The following THRB variants were observed in gnomAD, a reference collection of about 807,000 sequenced individuals.
THRB encodes thyroid hormone receptor beta, also known as nuclear receptor subfamily 1 group A member 2.
A neutral mutation model predicts 47.8 loss-of-function variants in THRB; 12 were observed. The observed-to-expected ratio is 0.25, with a 90% CI of 0.16 to 0.41. The LOEUF is 0.41. Ranked by LOEUF, THRB falls within the 10% of genes least tolerant of loss-of-function variation. The probability of loss-of-function intolerance (pLI) is 1.00; values close to 1 mark genes in which losing one functional copy is unlikely to be tolerated. For synonymous variants in THRB, 218 were observed against 212.2 expected, an observed-to-expected ratio of 1.03 and a Z score of -0.24; for missense variants, 348 against 589.2, an observed-to-expected ratio of 0.59 and a Z score of 4.24.
intron 1 of THRB, chr3:24,430,322 CA>C (rs1417736007): frequency 6.6e-6 from 1 of 152,112 alleles, no homozygotes; most frequent in Non-Finnish European, 1.5e-5. Context: ...AAAGCAGCTT[CA>C]TATGTGAAAG....
intron 4 of THRB, among the ~76,000 whole-genome samples, chr3:24,207,330 G>T (rs1055221711): frequency 6.6e-6 from 1 of 152,124 alleles, no homozygotes; most frequent in African/African-American, 2.4e-5. Context: ...GGGATGCAAG[G>T]CTGGTTCAAC....
At chr3:24,457,133 C>G (rs532661864) in intron 1 of THRB, among the ~76,000 whole-genome samples, 1 of 152,070 alleles carries the variant, frequency 6.6e-6, no homozygotes, top group Non-Finnish European at 1.5e-5. Flanking sequence ...AGATTTCACA[C>G]AAAAATGAAG....
At chr3:24,348,246 G>A (rs747831156) in intron 1 of THRB, among the ~76,000 whole-genome samples, 20 of 152,106 alleles carry the variant, frequency 1.3e-4, no homozygotes, top group Non-Finnish European at 2.5e-4. Flanking sequence ...TTAAACGGAT[G>A]CATTGATCTA....
intron 1 of THRB, among the ~76,000 whole-genome samples, chr3:24,373,767 G>T (rs953810838): frequency 6.6e-6 from 1 of 152,072 alleles, no homozygotes; most frequent in Non-Finnish European, 1.5e-5. Context: ...TTAATAGTCA[G>T]ATTGAAAACC....
intron 1 of THRB, among the ~76,000 whole-genome samples, chr3:24,474,750 C>T (rs113594574): frequency 2.1e-3 from 321 of 152,136 alleles, no homozygotes; most frequent in African/African-American, 7.2e-3. Flanking sequence ...ATGTGCTATA[C>T]GTAGGTAATA....
intron 1 of THRB, among the ~76,000 whole-genome samples, chr3:24,349,895 T>A (rs1184245655): frequency 6.6e-6 from 1 of 151,974 alleles, no homozygotes; most frequent in African/African-American, 2.4e-5. Flanking sequence ...GAAATTAGAT[T>A]ATATTAAAAT....
At chr3:24,318,126 C>G (rs143650428) in intron 2 of THRB, among the ~76,000 whole-genome samples, 1 of 152,140 alleles carries the variant, frequency 6.6e-6, no homozygotes, top group Non-Finnish European at 1.5e-5. Context: ...TGAGTAGAAG[C>G]GAAAATTCAG....
intron 4 of THRB, among the ~76,000 whole-genome samples, chr3:24,226,899 T>C (rs2047708466): frequency 6.6e-6 from 1 of 152,232 alleles, no homozygotes; most frequent in Non-Finnish European, 1.5e-5. Flanking sequence ...TGACAGACAC[T>C]GTATGGGCTG....
chr3:24,481,241 T>TTTTGTTTTTTTTTTG (rs1696346693), intron 1 of THRB, among the ~76,000 whole-genome samples: 1 of 146,230 alleles, frequency 6.8e-6, no homozygotes, highest in African/African-American at 2.6e-5. Flanking sequence ...TTTTTTTTTT[T>TTTTGTTTTTTTTTTG]TTTTTTTTTT....
In THRB at chr3:24,133,469, A is replaced by C. The variant is rs1468130955; in HGVS notation, c.739-7T>G. 2 of 1,613,654 alleles carry C rather than the reference A, an allele frequency of 1.2e-6. No individual in the cohort carries two copies. The highest frequency in any genetic ancestry group is 2.7e-5 in the African/African-American group (2 of 74,896). On this transcript the variant is annotated splice_region_variant and splice_polypyrimidine_tract_variant and intron_variant, in intron 8 of 10. Transcript: ENST00000646209. Reference sequence around the variant, plus strand: ...CTTGTCCAATGTCTTCTGGCTAAGGAGGAGAAAAAAGAAAGATTTAAATGA... The same window carrying C: ...CTTGTCCAATGTCTTCTGGCTAAGGCGGAGAAAAAAGAAAGATTTAAATGA...
chr3:24,230,673 C>T (rs1256474720), intron 3 of THRB, among the ~76,000 whole-genome samples: 1 of 152,140 alleles, frequency 6.6e-6, no homozygotes, highest in Admixed American at 6.6e-5. Context: ...TGCCATTAAC[C>T]ACCCCCTCTG....
intron 1 of THRB, among the ~76,000 whole-genome samples, chr3:24,418,749 C>A (rs2068972129): frequency 6.6e-6 from 1 of 151,890 alleles, no homozygotes; most frequent in Admixed American, 6.6e-5. Context: ...GATCCACATG[C>A]TAAGAAATCA....
At chr3:24,371,519 A>G (rs1261415290) in intron 1 of THRB, among the ~76,000 whole-genome samples, 1 of 152,112 alleles carries the variant, frequency 6.6e-6, no homozygotes, top group Non-Finnish European at 1.5e-5. Context: ...ATTTCATCTA[A>G]AAGCCTCTGT....
intron 3 of THRB, among the ~76,000 whole-genome samples, chr3:24,268,779 C>T (rs992577010): frequency 6.6e-6 from 1 of 152,072 alleles, no homozygotes; most frequent in Non-Finnish European, 1.5e-5. Flanking sequence ...GAGTTATTTT[C>T]TGCTTTATTT....
At chr3:24,448,133 G>A (rs1407605668) in intron 1 of THRB, among the ~76,000 whole-genome samples, 1 of 151,938 alleles carries the variant, frequency 6.6e-6, no homozygotes, top group African/African-American at 2.4e-5. Flanking sequence ...TGTGCCATTT[G>A]CAGAGCACTG....
At chr3:24,308,243 A>G (rs1325840317) in intron 2 of THRB, among the ~76,000 whole-genome samples, 2 of 152,224 alleles carry the variant, frequency 1.3e-5, no homozygotes, top group Admixed American at 1.3e-4. Flanking sequence ...AGGGAGATAG[A>G]GTGTATTAAA....
At chr3:24,152,318 G>A in intron 6 of THRB, 72 bp downstream of exon 6, 2 of 808,028 alleles carry the variant, frequency 2.5e-6, no homozygotes, top group Non-Finnish European at 4.4e-6. Flanking sequence ...ACTTAACATT[G>A]CATTCTGGAA....
intron 3 of THRB, among the ~76,000 whole-genome samples, chr3:24,266,590 T>G (rs1327053473): frequency 6.6e-6 from 1 of 152,098 alleles, no homozygotes; most frequent in Non-Finnish European, 1.5e-5. Context: ...AGCCACAGGA[T>G]CCACTGCAGC....
intron 1 of THRB, among the ~76,000 whole-genome samples, chr3:24,337,902 T>C (rs1293543550): frequency 2.6e-5 from 4 of 152,216 alleles, no homozygotes; most frequent in South Asian, 2.1e-4. Context: ...TGGAGCTGTC[T>C]AGATTGTGCT....
Sources: allele counts gnomAD v4.1 joint callset (sites outside exome capture counted in the v4.1 genomes callset), GRCh38; gene constraint gnomAD v4.1.1; transcripts MANE v1.5; gene names NCBI Gene and HGNC (gene_info 2026-07-23, HGNC 2026-07-21).